BIRC6: variants seen among roughly 807,000 people sequenced by gnomAD.
The protein encoded by BIRC6 is dual E2 ubiquitin-conjugating enzyme/E3 ubiquitin-protein ligase BIRC6.
BIRC6 carries 98 observed loss-of-function variants against 503.3 expected under a neutral mutation model. The ratio of observed to expected loss-of-function variants is 0.19; its 90% CI spans 0.17 to 0.23. The LOEUF (loss-of-function observed/expected upper bound fraction) is 0.23. Ranked by LOEUF, BIRC6 falls within the 10% of genes least tolerant of loss-of-function variation. The pLI is 1.00. For missense variants in BIRC6, 5,360 were observed against 5,806.0 expected, an observed-to-expected ratio of 0.92 and a Z score of 2.50; for synonymous variants, 2,240 against 2,078.7, an observed-to-expected ratio of 1.08 and a Z score of -2.11.
At chr2:32,516,600 A>C (rs1169251099) in intron 55 of BIRC6, among the ~76,000 whole-genome samples, 1 of 151,718 alleles carries the variant, frequency 6.6e-6, no homozygotes, top group East Asian at 1.9e-4. Flanking sequence ...TCTCAAAAAA[A>C]AAAAAAGTGG....
chr2:32,394,391 T>C (rs1182205829), intron 5 of BIRC6, among the ~76,000 whole-genome samples: 1 of 152,176 alleles, frequency 6.6e-6, no homozygotes, highest in African/African-American at 2.4e-5. Flanking sequence ...TATATATAAA[T>C]TGTGCCTGGC....
intron 1 of BIRC6, among the ~76,000 whole-genome samples, chr2:32,364,160 G>A (rs2034535554): frequency 6.6e-6 from 1 of 152,166 alleles, no homozygotes. Flanking sequence ...GCAGTATATG[G>A]GTAGGAGACA....
intron 73 of BIRC6, among the ~76,000 whole-genome samples, chr2:32,613,345 T>G (rs984926530): frequency 6.6e-6 from 1 of 151,622 alleles, no homozygotes; most frequent in South Asian, 2.1e-4. Context: ...CCACCAGACC[T>G]GGCTAACTTT....
intron 45 of BIRC6, among the ~76,000 whole-genome samples, chr2:32,495,468 TATAATA>T (rs1282317781): frequency 7.9e-5 from 12 of 152,174 alleles, no homozygotes; most frequent in Non-Finnish European, 1.5e-4. Context: ...AGATTAATGA[TATAATA>T]ATATACACTG....
chr2:32,393,067 G>A (rs1476952215), intron 5 of BIRC6, among the ~76,000 whole-genome samples: 1 of 151,870 alleles, frequency 6.6e-6, no homozygotes, highest in Non-Finnish European at 1.5e-5. Context: ...TAGATGCTTA[G>A]GGTAATGCAA....
intron 56 of BIRC6, 46 bp downstream of exon 56, chr2:32,518,443 AC>A: frequency 6.4e-7 from 1 of 1,564,068 alleles, no homozygotes; most frequent in Non-Finnish European, 8.6e-7. Flanking sequence ...CATGTATTTT[AC>A]AATTTTGTAT....
At chr2:32,460,351 A>G (rs1572384741) in intron 23 of BIRC6, among the ~76,000 whole-genome samples, 1 of 129,376 alleles carries the variant, frequency 7.7e-6, no homozygotes, top group East Asian at 2.6e-4. Flanking sequence ...ATCTTGGCTC[A>G]CTGCAATCTC....
At chr2:32,449,301 A>G (rs1229112934) in intron 22 of BIRC6, 1 of 159,582 alleles carries the variant, frequency 6.3e-6, no homozygotes, top group Non-Finnish European at 1.4e-5. Flanking sequence ...CTATTTCAAA[A>G]ATACAAAATT....
chr2:32,607,360 CAT>C (rs1303192170), intron 71 of BIRC6, 93 bp from the exon 72 acceptor site: 25 of 814,182 alleles, frequency 3.1e-5, no homozygotes, highest in Non-Finnish European at 4.3e-5. Context: ...TGTGGAAACA[CAT>C]ATTAAAGAAG....
rs903313070 is a variant in BIRC6, at chr2:32,468,254, A to C, written c.5780+143A>C. On this transcript the variant is annotated intron_variant, in intron 28 of 73. Transcript: ENST00000421745. ...AGTAGGAGATTAGCACGTTACAATA[A>C]CACTTAATGCGTGAAAATATTGTGA... 5 of 994,742 alleles carry C rather than the reference A, an allele frequency of 5.0e-6. No individual in the cohort carries two copies. The Admixed American group carries it at 1.4e-4, about 28-fold the overall frequency. The allele number at this position is 994,742 out of a possible 1,614,324, so 61.6% of individuals were successfully genotyped here. A position where few individuals can be genotyped will look rare whatever the true frequency, so the allele number is the denominator to read the frequency against.
chr2:32,442,550 A>C, intron 19 of BIRC6, 95 bp downstream of exon 19: 2 of 1,288,618 alleles, frequency 1.6e-6, no homozygotes, highest in Non-Finnish European at 2.1e-6. Context: ...TCCTTGTTTA[A>C]TGTATGTATA....
rs759264198 is a variant in BIRC6, at chr2:32,559,198, C to G, written c.13144+9717C>G. Among the ~76,000 whole-genome samples the G allele has an allele frequency of 4.6e-5, 7 of 152,310 alleles. No individual in the cohort carries two copies. In the South Asian group the frequency reaches 1.4e-3, roughly 32 times the overall value. On this transcript the variant is annotated intron_variant, in intron 65 of 73. Transcript: ENST00000421745. ...GCATCTGTAGCTGTTGATGACAATT[C>G]CAAGATAGTCTTCAAGCTATGCATA... is the stretch of plus-strand genomic sequence containing the variant.
rs536992107 is a variant in BIRC6, at chr2:32,399,912, C to T, written c.1035-1251C>T. Reference sequence around the variant, plus strand: ...GAGGGATCTTCCTACCTGAGTCTCCCGAGTAGCTGGGAATACAGGCACATG... The same window carrying T: ...GAGGGATCTTCCTACCTGAGTCTCCTGAGTAGCTGGGAATACAGGCACATG... On this transcript the variant is annotated intron_variant, in intron 6 of 73. Coordinates refer to ENST00000421745, the MANE Select transcript of BIRC6 (RefSeq NM_016252.4). Among the ~76,000 whole-genome samples, 21 of 152,048 alleles carry T rather than the reference C, an allele frequency of 1.4e-4. No individual in the cohort carries two copies. In the South Asian group the frequency reaches 3.5e-3, roughly 26 times the overall value.
intron 12 of BIRC6, 92 bp from the exon 13 acceptor site, chr2:32,433,552 G>A (rs1326362401): frequency 2.5e-6 from 3 of 1,189,958 alleles, no homozygotes; most frequent in East Asian, 5.2e-5. Context: ...AAGCTGCAAA[G>A]CAAAAAGTAG....
At chr2:32,433,834 G>T in intron 13 of BIRC6, 30 bp downstream of exon 13, 1 of 1,435,986 alleles carries the variant, frequency 7.0e-7, no homozygotes, top group Non-Finnish European at 9.4e-7. Flanking sequence ...TATCTTTGAA[G>T]ATTTTATTTT....
intron 35 of BIRC6, 121 bp from the exon 36 acceptor site, chr2:32,478,514 A>T: frequency 1.4e-6 from 1 of 738,252 alleles, no homozygotes; most frequent in Non-Finnish European, 2.0e-6. Flanking sequence ...TTTTGATACC[A>T]GACTCATACA....
rs543564900 is a variant in BIRC6 at position 32,490,345 on chromosome 2, C to T, written c.8206+194C>T. On this transcript the variant is annotated intron_variant, in intron 43 of 73. Coordinates refer to ENST00000421745, the MANE Select transcript of BIRC6 (RefSeq NM_016252.4). The stretch of plus-strand genomic sequence containing the variant: ...GGTGGATCACTTGAGGTCAGGAGCT[C>T]GAGAGCAGCCTGGCCAACATGGTGA... Among the ~76,000 whole-genome samples, 14 of 152,108 alleles carry T rather than the reference C, an allele frequency of 9.2e-5. No individual in the cohort carries two copies. In the South Asian group the frequency reaches 2.1e-3, roughly 23 times the overall value.
At chr2:32,532,149 G>GTGTGTGTGTGTGTT (rs1472240410) in intron 61 of BIRC6, 1 of 524,554 alleles carries the variant, frequency 1.9e-6, no homozygotes, top group Non-Finnish European at 3.9e-6. Context: ...GTGTGTGTGT[G>GTGTGTGTGTGTGTT]TGTGTGTGTG....
chr2:32,422,949 A>G (rs557328527), intron 10 of BIRC6, among the ~76,000 whole-genome samples: 6 of 151,748 alleles, frequency 4.0e-5, no homozygotes, highest in Non-Finnish European at 8.8e-5. Flanking sequence ...CTATTTTTTT[A>G]TTTTTGAGGC....
Sources: gnomAD v4.1 joint callset for allele counts (sites outside exome capture counted in the v4.1 genomes callset) on GRCh38, gnomAD v4.1.1 for gene constraint, MANE v1.5 for transcripts, NCBI Gene and HGNC (gene_info 2026-07-23, HGNC 2026-07-21) for gene names.